SMCP: variants seen among roughly 807,000 people sequenced by gnomAD.
SMCP encodes the protein sperm mitochondrial-associated cysteine-rich protein.
For missense variants in SMCP, 137 were observed against 137.1 expected, an observed-to-expected ratio of 1.00 and a Z score of 0.01; for synonymous variants, 41 against 46.9, an observed-to-expected ratio of 0.87 and a Z score of 0.51.
Position 152,884,415 on chromosome 1 carries a change from T to A in SMCP, c.-8T>A. ...TTTCTTTTTCTAGTACCTCCAAGTGTTCAGAAGATGTGTGACCAGACAAAA... is the reference window on the plus strand; with the variant it reads ...TTTCTTTTTCTAGTACCTCCAAGTGATCAGAAGATGTGTGACCAGACAAAA... On this transcript the variant is annotated 5_prime_UTR_variant, in exon 2 of 2. It introduces an in-frame stop codon into an upstream open reading frame of the 5' UTR. Coordinates refer to ENST00000368765, the MANE Select transcript of SMCP (RefSeq NM_030663.3). 6.2e-7 allele frequency: 1 copy of A among 1,613,980 alleles called. No homozygotes were observed. Among genetic ancestry groups the A allele is most frequent in the African/African-American group, 1.3e-5 (1 of 75,038 alleles).
chr1:152,880,599 C>T (rs1221576593), intron 1 of SMCP, among the ~76,000 whole-genome samples: 11 of 152,314 alleles, frequency 7.2e-5, no homozygotes, highest in African/African-American at 2.4e-4. Flanking sequence ...GCAGCTTCCT[C>T]TGACCTAGAA....
intron 1 of SMCP, among the ~76,000 whole-genome samples, chr1:152,881,932 A>G (rs1391338779): frequency 6.6e-6 from 1 of 152,178 alleles, no homozygotes; most frequent in Non-Finnish European, 1.5e-5. Flanking sequence ...GCCAAACCAT[A>G]TCATGGGGTA....
chr1:152,883,431 C>T (rs184585916), intron 1 of SMCP, among the ~76,000 whole-genome samples: 1 of 152,214 alleles, frequency 6.6e-6, no homozygotes, highest in Non-Finnish European at 1.5e-5. Context: ...GGGCGGAAAC[C>T]ATTAGGGGCT....
chr1:152,881,844 G>A (rs1649064754), intron 1 of SMCP, among the ~76,000 whole-genome samples: 3 of 152,226 alleles, frequency 2.0e-5, no homozygotes, highest in African/African-American at 4.8e-5. Context: ...TTCACATAGT[G>A]GTGGGAGAGA....
chr1:152,885,005 C>A lies in SMCP; in HGVS notation c.*232C>A, dbSNP rs6699386. The A allele has an allele frequency of 0.031, 17,712 of 569,126 alleles. 2,231 individuals carry two copies. Among genetic ancestry groups the A allele is most frequent in the African/African-American group, 0.28 (15,028 of 53,362 alleles). The allele number at this position is 569,126 out of a possible 1,614,324, so 35.3% of individuals were successfully genotyped here. A position where few individuals can be genotyped will look rare whatever the true frequency, so the allele number is the denominator to read the frequency against. ...GGCTAGAATCATCTTTCCTAGTGATCCTGACATTTAGACAGCACAGAAATA... is the reference window on the plus strand; with the variant it reads ...GGCTAGAATCATCTTTCCTAGTGATACTGACATTTAGACAGCACAGAAATA... On this transcript the variant is annotated 3_prime_UTR_variant, in exon 2 of 2. Transcript: ENST00000368765.
chr1:152,884,374 CT>C, intron 1 of SMCP, 28 bp from the exon 2 acceptor site: 3 of 1,579,402 alleles, frequency 1.9e-6, no homozygotes, highest in Non-Finnish European at 1.7e-6. Context: ...AGATTTCCTT[CT>C]GATGAGAATA....
Position 152,884,518 on chromosome 1 carries a change from T to A in SMCP, c.96T>A (p.Asn32Lys). 1 of 1,613,872 alleles carries A rather than the reference T, an allele frequency of 6.2e-7. No individual in the cohort carries two copies. Among genetic ancestry groups the A allele is most frequent in the Admixed American group, 1.7e-5 (1 of 60,000 alleles). ...ACCAGTGCTGCCAGTCAAAAGGCAA[T>A]CAATGCTGCCCACCAAAACAGAACC... The part of the protein sequence containing the change: ...QQNQCCQSKG[N>K]QCCPPKQNQC... The change falls in exon 2 of 2, where the codon AAT becomes AAA. Residue 32 changes from asparagine to lysine, a missense_variant. Physicochemically the swap from Asn to Lys is moderately conservative, Grantham distance 94. Transcript: ENST00000368765.
Position 152,884,455 on chromosome 1 carries a change from C to T in SMCP, c.33C>T (p.Cys11=). MCDQTKHSKC[C]PAKGNQCCPP... is the part of the protein sequence containing the mutation. ...ACCAGACAAAACACAGTAAATGCTG[C>T]CCAGCAAAAGGCAATCAATGCTGCC... Residue 11 remains cysteine (C), a synonymous_variant, in exon 2 of 2, where the codon TGC becomes TGT. Transcript: ENST00000368765. The T allele has an allele frequency of 6.2e-7, 1 of 1,614,170 alleles. No homozygotes were observed. Among genetic ancestry groups the T allele is most frequent in the Non-Finnish European group, 8.5e-7 (1 of 1,180,024 alleles).
At chr1:152,882,457 G>C (rs1288471073) in intron 1 of SMCP, among the ~76,000 whole-genome samples, 2 of 152,190 alleles carry the variant, frequency 1.3e-5, no homozygotes, top group Non-Finnish European at 2.9e-5. Flanking sequence ...TAGAGGGCAA[G>C]TAGGGAGCAC....
intron 1 of SMCP, among the ~76,000 whole-genome samples, chr1:152,879,128 G>A (rs193109471): frequency 6.6e-6 from 1 of 152,348 alleles, no homozygotes; most frequent in African/African-American, 2.4e-5. Flanking sequence ...TGTTTGACAT[G>A]ATTAGGCAGA....
At chr1:152,879,724 T>C (rs987421442) in intron 1 of SMCP, among the ~76,000 whole-genome samples, 35 of 152,246 alleles carry the variant, frequency 2.3e-4, no homozygotes, top group African/African-American at 8.2e-4. Context: ...GATGTTGCCC[T>C]CCCTATGCTA....
chr1:152,879,590 G>A (rs1291921456), intron 1 of SMCP, among the ~76,000 whole-genome samples: 1 of 152,160 alleles, frequency 6.6e-6, no homozygotes, highest in Non-Finnish European at 1.5e-5. Context: ...TGTTGGACAG[G>A]AGCCAGGGTT....
chr1:152,880,198 C>A lies in SMCP; in HGVS notation c.-21+1752C>A, dbSNP rs184293716. Among the ~76,000 whole-genome samples the A allele has an allele frequency of 2.6e-3, 402 of 152,262 alleles. 4 individuals carry two copies. Among genetic ancestry groups the A allele is most frequent in the Non-Finnish European group, 4.4e-3 (296 of 68,024 alleles). On this transcript the variant is annotated intron_variant, in intron 1 of 1. Transcript: ENST00000368765. ...AGAAAATAAAAACAGAAGGGGCTCA[C>A]TCCTCCCTCGTCCCTCTCAAAACCT...
chr1:152,884,546 T>A lies in SMCP; in HGVS notation c.124T>A (p.Cys42Ser). ...ATGCTGCCCACCAAAACAGAACCAG[T>A]GCTGCCAGCCAAAAGGCAGTCAATG... ...NQCCPPKQNQ[C>S]CQPKGSQCCP... Residue 42 changes from cysteine (C) to serine (S), a missense_variant, in exon 2 of 2, where the codon TGC becomes AGC. Cys to Ser is a moderately radical substitution (Grantham distance 112, BLOSUM62 -1). Coordinates refer to ENST00000368765, the MANE Select transcript of SMCP (RefSeq NM_030663.3). The A allele has an allele frequency of 1.2e-6, 2 of 1,613,994 alleles. No homozygotes were observed. Among genetic ancestry groups the A allele is most frequent in the Non-Finnish European group, 1.7e-6 (2 of 1,179,980 alleles).
intron 1 of SMCP, 22 bp from the exon 2 acceptor site, chr1:152,884,381 G>A: frequency 1.3e-6 from 2 of 1,598,028 alleles, no homozygotes; most frequent in South Asian, 2.2e-5. Flanking sequence ...CTTCTGATGA[G>A]AATATTATTT....
chr1:152,881,492 T>A (rs1019817094), intron 1 of SMCP, among the ~76,000 whole-genome samples: 2 of 151,390 alleles, frequency 1.3e-5, no homozygotes, highest in African/African-American at 4.9e-5. Flanking sequence ...ATCGAGACCA[T>A]CCTGGCTAAC....
intron 1 of SMCP, among the ~76,000 whole-genome samples, chr1:152,883,694 A>G (rs752553714): frequency 6.6e-6 from 1 of 152,162 alleles, no homozygotes; most frequent in Non-Finnish European, 1.5e-5. Flanking sequence ...AGAGAGATGA[A>G]GAGAACTGCA....
chr1:152,882,686 C>T (rs887655467), intron 1 of SMCP, among the ~76,000 whole-genome samples: 9 of 152,230 alleles, frequency 5.9e-5, no homozygotes, highest in African/African-American at 1.9e-4. Flanking sequence ...CACACACTCT[C>T]ACAGAGATAT....
At chr1:152,880,557 G>T (rs1399640451) in intron 1 of SMCP, among the ~76,000 whole-genome samples, 1 of 152,058 alleles carries the variant, frequency 6.6e-6, no homozygotes, top group Non-Finnish European at 1.5e-5. Flanking sequence ...TCAAGGCATC[G>T]CAGGGCCTGT....
Sources: allele counts gnomAD v4.1 joint callset (sites outside exome capture counted in the v4.1 genomes callset), GRCh38; gene constraint gnomAD v4.1.1; transcripts MANE v1.5; gene names NCBI Gene and HGNC (gene_info 2026-07-23, HGNC 2026-07-21).